ZFYVE26: variants seen among roughly 807,000 people sequenced by gnomAD.
The protein encoded by ZFYVE26 is zinc finger FYVE-type containing 26.
A neutral mutation model predicts 276.5 loss-of-function variants in ZFYVE26; 181 were observed. The ratio of observed to expected loss-of-function variants is 0.65; its 90% confidence interval spans 0.58 to 0.74. The LOEUF (loss-of-function observed/expected upper bound fraction) is 0.74, where lower values mean the gene tolerates loss of function less well. Among genes scored for constraint, ZFYVE26 ranks in the 30% least tolerant of loss-of-function variants. The probability of loss-of-function intolerance (pLI) is 0.00; values close to 1 mark genes in which losing one functional copy is unlikely to be tolerated. For synonymous variants in ZFYVE26, 1,129 were observed against 1,203.1 expected, an observed-to-expected ratio of 0.94 and a Z score of 1.27; for missense variants, 2,821 against 3,097.9, an observed-to-expected ratio of 0.91 and a Z score of 2.12.
intron 7 of ZFYVE26, 27 bp from the exon 8 acceptor site, chr14:67,805,332 A>T: frequency 5.0e-6 from 8 of 1,613,948 alleles, no homozygotes; most frequent in Non-Finnish European, 6.8e-6. Context: ...GAAGAAAGAG[A>T]TGCTGACTCA....
rs1176395774 is a variant in ZFYVE26 at position 67,748,563 on chromosome 14, G to A, written c.7493C>T (p.Thr2498Ile). 1 of 1,614,192 alleles carries A rather than the reference G, an allele frequency of 6.2e-7. No individual in the cohort carries two copies. Among genetic ancestry groups the A allele is most frequent in the East Asian group, 2.2e-5 (1 of 44,886 alleles). Residue 2498 changes from threonine (T) to isoleucine (I), a missense_variant, in exon 42 of 42, where the codon ACA (threonine) becomes ATA (isoleucine). Physicochemically the swap from Thr to Ile is moderately conservative, Grantham distance 89. Coordinates refer to ENST00000347230, the MANE Select transcript of ZFYVE26 (RefSeq NM_015346.4). The stretch of plus-strand genomic sequence containing the variant: ...CTGCTGCACCTGCTGGACAAGGGCT[G>A]TGGCCCGTGAGTGTTCTTGCTTCAC... ...IAVKQEHSRA[T>I]ALVQQVQQAA...
At chr14:67,780,447 C>T (rs866810040) in intron 22 of ZFYVE26, 102 bp from the exon 23 acceptor site, 14 of 1,075,420 alleles carry the variant, frequency 1.3e-5, no homozygotes, top group Admixed American at 2.0e-5. Flanking sequence ...AGATCTCTGC[C>T]CCAAAGTCAG....
intron 40 of ZFYVE26, 141 bp from the exon 41 acceptor site, chr14:67,751,237 G>A: frequency 1.2e-6 from 1 of 840,080 alleles, no homozygotes; most frequent in Non-Finnish European, 2.0e-6. Flanking sequence ...AAGACATGGG[G>A]TCTCACTATG....
chr14:67,810,354 AAAG>A (rs2040274760), intron 3 of ZFYVE26, among the ~76,000 whole-genome samples: 1 of 152,202 alleles, frequency 6.6e-6, no homozygotes, highest in South Asian at 2.1e-4. Context: ...CATAGCAGTG[AAAG>A]AAGAACAGTA....
chr14:67,754,665 T>C (rs934887900), intron 37 of ZFYVE26, among the ~76,000 whole-genome samples: 1 of 152,208 alleles, frequency 6.6e-6, no homozygotes, highest in Non-Finnish European at 1.5e-5. Context: ...CTGGCAAGTA[T>C]AAAAGCTGAG....
intron 40 of ZFYVE26, 43 bp from the exon 41 acceptor site, chr14:67,751,139 C>T (rs754764365): frequency 1.3e-5 from 21 of 1,612,848 alleles, no homozygotes; most frequent in African/African-American, 9.3e-5. Flanking sequence ...AGAAGAGTCC[C>T]GCAGTCTGGG....
intron 12 of ZFYVE26, chr14:67,797,275 T>C (rs1049145003): frequency 9.8e-6 from 3 of 304,746 alleles, no homozygotes; most frequent in African/African-American, 2.2e-5. Context: ...CTGTTTATAA[T>C]GGTAAACAAC....
chr14:67,761,009 G>A (rs1202457544), intron 35 of ZFYVE26: 6 of 554,362 alleles, frequency 1.1e-5, no homozygotes, highest in Non-Finnish European at 1.9e-5. Flanking sequence ...CAGGTAGGGA[G>A]GCGCGTGGAA....
Position 67,761,369 on chromosome 14 carries a change from G to C in ZFYVE26, c.6585C>G (p.Asn2195Lys). 6.2e-7 allele frequency: 1 copy of C among 1,612,078 alleles called. No homozygotes were observed. The highest frequency in any genetic ancestry group is 2.2e-5 in the East Asian group (1 of 44,828). ...TTGAGCTGTGTCCATGTCCCACCTT[G>C]TTGAGAAGGTGCAGAAGAGCTTCCC... is the stretch of plus-strand genomic sequence containing the variant. ...CLREALLHLL[N>K]KESPPEVFIE... The change falls in exon 35 of 42, where the codon AAC becomes AAG. Residue 2195 changes from asparagine (N) to lysine (K), a missense_variant. Asn to Lys is a moderately conservative substitution (Grantham distance 94, BLOSUM62 0). Coordinates refer to ENST00000347230, the MANE Select transcript of ZFYVE26 (RefSeq NM_015346.4).
chr14:67,798,350 G>A lies in ZFYVE26; in HGVS notation c.1912C>T (p.Pro638Ser). 1.2e-6 allele frequency: 2 copies of A among 1,610,486 alleles called. No individual in the cohort carries two copies. The highest frequency in any genetic ancestry group is 1.7e-6 in the Non-Finnish European group (2 of 1,177,954). The change falls in exon 11 of 42, where the codon CCA becomes TCA. Residue 638 changes from proline to serine, a missense_variant. By Grantham distance (74) the Pro-to-Ser change is moderately conservative. Coordinates refer to ENST00000347230, the MANE Select transcript of ZFYVE26 (RefSeq NM_015346.4). ...RKSERGSLGVPKTLAYTMPSH... is the reference protein window; with the variant it reads ...RKSERGSLGVSKTLAYTMPSH... Reference sequence around the variant, plus strand: ...GGCATTGTATAAGCAAGGGTCTTTGGGACTCCCAGGGAACCCCGTTCTGAC... The same window carrying A: ...GGCATTGTATAAGCAAGGGTCTTTGAGACTCCCAGGGAACCCCGTTCTGAC...
chr14:67,807,960 C>A (rs745752301), intron 4 of ZFYVE26, 40 bp from the exon 5 acceptor site: 24 of 1,611,634 alleles, frequency 1.5e-5, no homozygotes, highest in South Asian at 6.6e-5. Context: ...GGTGGGCATG[C>A]CTGGAATGGT....
exon 14 of ZFYVE26, chr14:67,729,555 T>G (rs528933318): frequency 8.7e-6 from 6 of 690,926 alleles, no homozygotes; most frequent in South Asian, 1.6e-5. Flanking sequence ...TACAAACTTA[T>G]GTGTTGGGAA....
At chr14:67,762,505 T>G in intron 33 of ZFYVE26, 93 bp from the exon 34 acceptor site, 1 of 1,527,558 alleles carries the variant, frequency 6.5e-7, no homozygotes, top group South Asian at 1.2e-5. Context: ...GCCAACCACC[T>G]CATTCCCACT....
chr14:67,777,859 T>G (rs1395822413), intron 24 of ZFYVE26, 124 bp from the exon 25 acceptor site: 3 of 356,778 alleles, frequency 8.4e-6, no homozygotes, highest in Non-Finnish European at 1.3e-5. Flanking sequence ...TCTATACTCC[T>G]TTTTTTTTTT....
intron 12 of ZFYVE26, chr14:67,797,405 A>C: frequency 2.0e-6 from 1 of 509,324 alleles, no homozygotes; most frequent in Non-Finnish European, 3.5e-6. Flanking sequence ...ATATAAAAGG[A>C]TATAAATGAA....
chr14:67,808,924 A>G (rs1165935087), intron 4 of ZFYVE26, among the ~76,000 whole-genome samples: 1 of 152,218 alleles, frequency 6.6e-6, no homozygotes, highest in Admixed American at 6.5e-5. Flanking sequence ...TAGTCAACGA[A>G]TACTAGTTCC....
chr14:67,762,088 G>T, intron 34 of ZFYVE26, 115 bp downstream of exon 34: 1 of 1,304,134 alleles, frequency 7.7e-7, no homozygotes, highest in Non-Finnish European at 1.1e-6. Context: ...TAACCTGCTT[G>T]ATGCTGAGCC....
At chr14:67,811,318 C>T (rs984975755) in intron 3 of ZFYVE26, among the ~76,000 whole-genome samples, 3 of 152,120 alleles carry the variant, frequency 2.0e-5, no homozygotes, top group African/African-American at 7.2e-5. Context: ...CTAAAATAGG[C>T]AAGAATTTGC....
rs1374908015 is a variant in ZFYVE26 at position 67,805,292 on chromosome 14, T to C, written c.1196A>G (p.Asp399Gly). The change falls in exon 8 of 42, where the codon GAT becomes GGT. Residue 399 changes from aspartate to glycine, a missense_variant. By Grantham distance (94) the Asp-to-Gly change is moderately conservative. Transcript: ENST00000347230. ...TLHRTQGPGC[D>G]ELLRDACDGL... ...ATCACAGGCATCCCTGAGGAGCTCATCACAGCCTGGGCCCTATGTTGATAT... is the reference window on the plus strand; with the variant it reads ...ATCACAGGCATCCCTGAGGAGCTCACCACAGCCTGGGCCCTATGTTGATAT... The C allele has an allele frequency of 6.2e-7, 1 of 1,614,126 alleles. No individual in the cohort carries two copies. The highest frequency in any genetic ancestry group is 8.5e-7 in the Non-Finnish European group (1 of 1,180,016).
Sources: allele counts gnomAD v4.1 joint callset (sites outside exome capture counted in the v4.1 genomes callset), GRCh38; gene constraint gnomAD v4.1.1; transcripts MANE v1.5; gene names NCBI Gene and HGNC (gene_info 2026-07-23, HGNC 2026-07-21).